AFF3: variants seen among roughly 807,000 people sequenced by gnomAD.
AFF3 encodes the protein AF4/FMR2 family member 3.
In AFF3, 32 loss-of-function variants were observed where a neutral mutation model predicts 129.7. The observed-to-expected ratio is 0.25, with a 90% confidence interval of 0.19 to 0.33. AFF3 has a LOEUF of 0.33. Ranked by LOEUF, AFF3 falls within the 10% of genes least tolerant of loss-of-function variation. The pLI is 1.00. For synonymous variants in AFF3, 644 were observed against 635.4 expected, an observed-to-expected ratio of 1.01 and a Z score of -0.20; for missense variants, 1,373 against 1,592.0, an observed-to-expected ratio of 0.86 and a Z score of 2.34.
At chr2:99,840,375 T>C (rs1468155138) in intron 7 of AFF3, among the ~76,000 whole-genome samples, 2 of 152,236 alleles carry the variant, frequency 1.3e-5, no homozygotes, top group Non-Finnish European at 2.9e-5. Flanking sequence ...TTCTTGTGGA[T>C]TATTTGGTGA....
intron 2 of AFF3, among the ~76,000 whole-genome samples, chr2:100,116,773 C>G (rs1015162810): frequency 1.3e-5 from 2 of 152,004 alleles, no homozygotes; most frequent in African/African-American, 4.8e-5. Context: ...ATTCCTGCAC[C>G]TCTGGTCTTC....
At chr2:99,852,929 T>C (rs1045171680) in intron 7 of AFF3, among the ~76,000 whole-genome samples, 6 of 152,172 alleles carry the variant, frequency 3.9e-5, no homozygotes, top group Admixed American at 3.9e-4. Flanking sequence ...ATTTCTACCA[T>C]ATCCCCAAGA....
intron 9 of AFF3, among the ~76,000 whole-genome samples, chr2:99,749,199 T>C (rs1681420594): frequency 6.6e-6 from 1 of 152,240 alleles, no homozygotes; most frequent in South Asian, 2.1e-4. Context: ...ACTATTGATA[T>C]ATTAATTAGC....
intron 13 of AFF3, among the ~76,000 whole-genome samples, chr2:99,602,095 G>A (rs1262459392): frequency 6.6e-6 from 1 of 152,228 alleles, no homozygotes; most frequent in African/African-American, 2.4e-5. Flanking sequence ...GCAGAGGGCT[G>A]TCAGGAAGGG....
At position 99,583,016 on chromosome 2, in the gene AFF3, C is replaced by T. The variant is rs371381239; in HGVS notation, c.2592-17G>A. Reference sequence around the variant, plus strand: ...ATTGCCACACTGAAAAAGGAAATTACGGTAATGGAATGTTACAGAGTCAGC... The same window carrying T: ...ATTGCCACACTGAAAAAGGAAATTATGGTAATGGAATGTTACAGAGTCAGC... On this transcript the variant is annotated splice_polypyrimidine_tract_variant and intron_variant, in intron 16 of 24. Coordinates refer to ENST00000672756, the MANE Select transcript of AFF3 (RefSeq NM_001386135.1). The T allele has an allele frequency of 2.0e-5, 33 of 1,609,874 alleles. No individual in the cohort carries two copies. The highest frequency in any genetic ancestry group is 3.3e-5 in the South Asian group (3 of 90,978).
intron 8 of AFF3, among the ~76,000 whole-genome samples, chr2:99,806,278 T>G (rs1428258881): frequency 1.3e-5 from 2 of 152,184 alleles, no homozygotes; most frequent in Admixed American, 6.5e-5. Flanking sequence ...CCATCAACAT[T>G]CATTGAGCTT....
intron 8 of AFF3, among the ~76,000 whole-genome samples, chr2:99,758,902 T>C (rs1403822390): frequency 6.6e-6 from 1 of 152,204 alleles, no homozygotes; most frequent in Admixed American, 6.5e-5. Flanking sequence ...ATCCTCACCC[T>C]AGTACTCAAG....
intron 11 of AFF3, among the ~76,000 whole-genome samples, chr2:99,697,770 T>C (rs1676439799): frequency 6.6e-6 from 1 of 152,248 alleles, no homozygotes; most frequent in Non-Finnish European, 1.5e-5. Flanking sequence ...CCTTGTGCTT[T>C]CTTTACAATG....
At chr2:99,799,999 A>C (rs1685817446) in intron 8 of AFF3, among the ~76,000 whole-genome samples, 1 of 152,214 alleles carries the variant, frequency 6.6e-6, no homozygotes, top group Non-Finnish European at 1.5e-5. Context: ...AAAAAAATCC[A>C]TTGTGACTTT....
At chr2:99,717,667 T>C (rs1282230964) in intron 11 of AFF3, among the ~76,000 whole-genome samples, 1 of 152,242 alleles carries the variant, frequency 6.6e-6, no homozygotes, top group African/African-American at 2.4e-5. Flanking sequence ...GGTTCGCAGC[T>C]TGACTTTTCA....
rs554903485 is a variant in AFF3, at chr2:99,963,281, T to C, written c.873+43351A>G. Among the ~76,000 whole-genome samples the C allele has an allele frequency of 5.3e-5, 8 of 152,190 alleles. No homozygotes were observed. In the East Asian group the frequency reaches 1.5e-3, roughly 29 times the overall value. ...TACTAGCAAATCTACCCTTAATAAATGGCTAAAGAAAGTTCTCTAAACAGA... is the reference window on the plus strand; with the variant it reads ...TACTAGCAAATCTACCCTTAATAAACGGCTAAAGAAAGTTCTCTAAACAGA... On this transcript the variant is annotated intron_variant, in intron 7 of 24. Transcript: ENST00000672756.
At chr2:100,084,791 T>C (rs866893503) in intron 4 of AFF3, among the ~76,000 whole-genome samples, 7 of 151,986 alleles carry the variant, frequency 4.6e-5, no homozygotes, top group East Asian at 1.9e-4. Flanking sequence ...ATTATACACA[T>C]TGGAGAAATA....
At chr2:99,966,514 C>G (rs926227717) in intron 7 of AFF3, among the ~76,000 whole-genome samples, 3 of 150,228 alleles carry the variant, frequency 2.0e-5, no homozygotes, top group African/African-American at 7.3e-5. Context: ...AACGGTGAAA[C>G]CCCGTCTCTA....
At chr2:100,122,161 C>T (rs1692007304) in intron 2 of AFF3, among the ~76,000 whole-genome samples, 2 of 152,260 alleles carry the variant, frequency 1.3e-5, no homozygotes, top group Non-Finnish European at 2.9e-5. Context: ...TACATCATGA[C>T]AAGTGTTACT....
At chr2:99,764,931 A>T (rs984534577) in intron 8 of AFF3, among the ~76,000 whole-genome samples, 1 of 152,134 alleles carries the variant, frequency 6.6e-6, no homozygotes, top group Non-Finnish European at 1.5e-5. Flanking sequence ...CAAAAAAAAA[A>T]TTAAAACATT....
chr2:100,092,995 A>G (rs1689983512), intron 4 of AFF3, among the ~76,000 whole-genome samples: 1 of 152,052 alleles, frequency 6.6e-6, no homozygotes, highest in South Asian at 2.1e-4. Flanking sequence ...TGCTCATCTC[A>G]ACCCAGACAC....
In AFF3 at chr2:100,071,394, A is replaced by T. The variant is rs144635928; in HGVS notation, c.53+33008T>A. The stretch of plus-strand genomic sequence containing the variant: ...TCTGAGCTTTTTATGTGAATAGCAT[A>T]TAAAACATGAATTGTGAAATATACA... On this transcript the variant is annotated intron_variant, in intron 4 of 24. Coordinates refer to ENST00000672756, the MANE Select transcript of AFF3 (RefSeq NM_001386135.1). 2.8e-3 allele frequency among the ~76,000 whole-genome samples: 424 copies of T among 152,346 alleles called. 1 individual carries two copies. Among genetic ancestry groups the T allele is most frequent in the African/African-American group, 9.8e-3 (407 of 41,578 alleles).
chr2:99,990,777 A>G (rs1348670935), intron 7 of AFF3, among the ~76,000 whole-genome samples: 12 of 152,248 alleles, frequency 7.9e-5, no homozygotes, highest in Non-Finnish European at 1.5e-4. Flanking sequence ...CGAGAAGAGC[A>G]ATCAACAAGG....
intron 4 of AFF3, among the ~76,000 whole-genome samples, chr2:100,084,331 C>G (rs1014609543): frequency 6.6e-6 from 1 of 152,214 alleles, no homozygotes; most frequent in Non-Finnish European, 1.5e-5. Flanking sequence ...TCATTTAATC[C>G]TCACATTAAT....
Sources: gnomAD v4.1 joint callset for allele counts (sites outside exome capture counted in the v4.1 genomes callset) on GRCh38, gnomAD v4.1.1 for gene constraint, MANE v1.5 for transcripts, NCBI Gene and HGNC (gene_info 2026-07-23, HGNC 2026-07-21) for gene names.